ST18: variants seen among roughly 807,000 people sequenced by gnomAD.
ST18 encodes the protein suppression of tumorigenicity 18 protein.
Under a neutral mutation model 110.0 loss-of-function variants are expected in ST18, and 50 were observed. The ratio of observed to expected loss-of-function variants is 0.45; its 90% confidence interval spans 0.36 to 0.58. The LOEUF is 0.58. Ranked by LOEUF, ST18 falls within the 20% of genes least tolerant of loss-of-function variation. The probability of loss-of-function intolerance (pLI) is 0.00; values close to 1 mark genes in which losing one functional copy is unlikely to be tolerated. For missense variants in ST18, 1,306 were observed against 1,280.1 expected, an observed-to-expected ratio of 1.02 and a Z score of -0.31; for synonymous variants, 461 against 452.4, an observed-to-expected ratio of 1.02 and a Z score of -0.24.
At chr8:52,163,405 A>G (rs759242678) in intron 13 of ST18, among the ~76,000 whole-genome samples, 12 of 152,214 alleles carry the variant, frequency 7.9e-5, no homozygotes, top group Non-Finnish European at 1.6e-4. Context: ...TACATTAAAT[A>G]TCATCATATA....
intron 2 of ST18, among the ~76,000 whole-genome samples, chr8:52,278,835 C>T (rs1366021742): frequency 6.6e-6 from 1 of 152,166 alleles, no homozygotes; most frequent in Non-Finnish European, 1.5e-5. Flanking sequence ...CTAGAATTCT[C>T]CTACTGTTGT....
intron 5 of ST18, among the ~76,000 whole-genome samples, chr8:52,218,469 C>A (rs989424765): frequency 1.4e-5 from 2 of 147,266 alleles, no homozygotes; most frequent in South Asian, 4.3e-4. Context: ...TGCAACCTCA[C>A]CTCTGCCTCC....
intron 2 of ST18, among the ~76,000 whole-genome samples, chr8:52,338,393 C>T (rs956911423): frequency 6.6e-6 from 1 of 151,950 alleles, no homozygotes; most frequent in African/African-American, 2.4e-5. Context: ...TCTGGGGATT[C>T]CTAATACAAA....
At chr8:52,260,080 C>A (rs537414723) in intron 2 of ST18, among the ~76,000 whole-genome samples, 1 of 152,148 alleles carries the variant, frequency 6.6e-6, no homozygotes, top group African/African-American at 2.4e-5. Flanking sequence ...GCCAGTGATT[C>A]GCTCCATCAG....
intron 8 of ST18, among the ~76,000 whole-genome samples, chr8:52,181,117 T>C (rs2069316655): frequency 6.6e-6 from 1 of 152,200 alleles, no homozygotes; most frequent in Non-Finnish European, 1.5e-5. Context: ...AAGACAAACA[T>C]TCTCTTGGCA....
chr8:52,275,847 C>T (rs1428302851), intron 2 of ST18, among the ~76,000 whole-genome samples: 1 of 151,908 alleles, frequency 6.6e-6, no homozygotes, highest in Admixed American at 6.6e-5. Context: ...TGGAAGTCCC[C>T]TAAATTTAGG....
intron 4 of ST18, among the ~76,000 whole-genome samples, chr8:52,221,085 C>CTCTA (rs58429982): frequency 0.049 from 7,334 of 148,390 alleles, 185 homozygotes; most frequent in East Asian, 0.07. Flanking sequence ...AACTACCTAT[C>CTCTA]TCTATCTATC....
intron 9 of ST18, among the ~76,000 whole-genome samples, chr8:52,178,387 G>A (rs1167206524): frequency 6.6e-6 from 1 of 151,536 alleles, no homozygotes; most frequent in Non-Finnish European, 1.5e-5. Context: ...CAGCACTTTG[G>A]GAGGCTGAGG....
At chr8:52,115,384 C>G (rs1393061189) in intron 25 of ST18, among the ~76,000 whole-genome samples, 1 of 152,092 alleles carries the variant, frequency 6.6e-6, no homozygotes, top group Non-Finnish European at 1.5e-5. Flanking sequence ...CTATGAATTC[C>G]AAATACAGTC....
At chr8:52,206,234 C>T (rs563007535) in intron 8 of ST18, among the ~76,000 whole-genome samples, 15 of 152,264 alleles carry the variant, frequency 9.9e-5, no homozygotes, top group South Asian at 4.1e-4. Context: ...TCCAACCAGA[C>T]GCTGTGCACA....
intron 2 of ST18, among the ~76,000 whole-genome samples, chr8:52,388,050 A>G (rs1471720508): frequency 6.7e-6 from 1 of 148,990 alleles, no homozygotes. Flanking sequence ...GGGGAGAGAG[A>G]TGAAATGATT....
At chr8:52,311,255 G>C (rs1429001785) in intron 2 of ST18, among the ~76,000 whole-genome samples, 1 of 152,198 alleles carries the variant, frequency 6.6e-6, no homozygotes, top group East Asian at 1.9e-4. Flanking sequence ...GCTGGACATT[G>C]AAGGGCATCT....
chr8:52,172,287 T>G lies in ST18; in HGVS notation c.574A>C (p.Asn192His). ...SQPPFCSSDD[N>H]ESNSESAENG... Reference sequence around the variant, plus strand: ...TCTGCACTTTCAGAGTTACTTTCATTGTCATCAGAGGAGCAGAAGGGTGGC... The same window carrying G: ...TCTGCACTTTCAGAGTTACTTTCATGGTCATCAGAGGAGCAGAAGGGTGGC... Residue 192 changes from asparagine (N) to histidine (H), a missense_variant, in exon 10 of 26, where the codon AAT (asparagine) becomes CAT (histidine). Physicochemically the swap from Asn to His is moderately conservative, Grantham distance 68. Coordinates refer to ENST00000689386, the MANE Select transcript of ST18 (RefSeq NM_001352837.2). 6.2e-7 allele frequency: 1 copy of G among 1,614,206 alleles called. No individual in the cohort carries two copies.
rs1460572481 is a variant in ST18 at position 52,149,925 on chromosome 8, T to C, written c.1859A>G (p.Lys620Arg). ...TGCAGACTTGTCCAGGATTCGATTT[T>C]TTTTCATGCTTAAGTCCAATGTGCC... ...ENGTLDLSMK[K>R]NRILDKSAPL... The change falls in exon 16 of 26, where the codon AAA becomes AGA. Residue 620 changes from lysine (K) to arginine (R), a missense_variant. Physicochemically the swap from Lys to Arg is conservative, Grantham distance 26. Coordinates refer to ENST00000689386, the MANE Select transcript of ST18 (RefSeq NM_001352837.2). 1.9e-6 allele frequency: 3 copies of C among 1,614,024 alleles called. No individual in the cohort carries two copies. In the East Asian group the frequency reaches 6.7e-5, roughly 36 times the overall value.
At chr8:52,355,139 G>T (rs1380722082) in intron 2 of ST18, among the ~76,000 whole-genome samples, 1 of 152,126 alleles carries the variant, frequency 6.6e-6, no homozygotes, top group Non-Finnish European at 1.5e-5. Flanking sequence ...GAACATCCCA[G>T]CCCACTCCTA....
chr8:52,282,349 TAATTA>T (rs1377249708), intron 2 of ST18, among the ~76,000 whole-genome samples: 5 of 152,246 alleles, frequency 3.3e-5, no homozygotes, highest in Non-Finnish European at 7.3e-5. Context: ...AAAATTGGGC[TAATTA>T]ATTTCAGTAA....
intron 2 of ST18, among the ~76,000 whole-genome samples, chr8:52,351,816 TCAC>T (rs1201278710): frequency 8.5e-5 from 13 of 152,310 alleles, no homozygotes; most frequent in African/African-American, 3.1e-4. Flanking sequence ...TTCGGGTGGT[TCAC>T]AACAATGAAC....
At chr8:52,324,192 C>T (rs150082946) in intron 2 of ST18, among the ~76,000 whole-genome samples, 1 of 152,272 alleles carries the variant, frequency 6.6e-6, no homozygotes, top group African/African-American at 2.4e-5. Flanking sequence ...GGAGAGGTGG[C>T]ATGAGGCCCT....
At chr8:52,257,600 C>G (rs1251726359) in intron 2 of ST18, among the ~76,000 whole-genome samples, 2 of 151,960 alleles carry the variant, frequency 1.3e-5, no homozygotes, top group South Asian at 2.1e-4. Context: ...AACTGTTTAT[C>G]CAGAGCTTTT....
Sources: allele counts gnomAD v4.1 joint callset (sites outside exome capture counted in the v4.1 genomes callset), GRCh38; gene constraint gnomAD v4.1.1; transcripts MANE v1.5; gene names NCBI Gene and HGNC (gene_info 2026-07-23, HGNC 2026-07-21).